Variants in ACADSB observed in about 807,000 individuals in gnomAD.
ACADSB encodes short/branched chain specific acyl-CoA dehydrogenase, mitochondrial.
Under a neutral mutation model 54.1 loss-of-function variants are expected in ACADSB, and 40 were observed. The observed-to-expected ratio is 0.74, with a 90% CI of 0.57 to 0.96. The LOEUF (loss-of-function observed/expected upper bound fraction) is 0.96. ACADSB is among the 40% of genes least tolerant of loss of function. The pLI, the probability that ACADSB is intolerant of heterozygous loss-of-function variation, is 0.00. For synonymous variants in ACADSB, 182 were observed against 182.8 expected (o/e 1.00, Z 0.03); for missense variants, 530 against 510.4 (o/e 1.04, Z -0.37).
At chr10:123,050,315 T>C (rs890929070) in intron 8 of ACADSB, among the ~76,000 whole-genome samples, 5 of 152,252 alleles carry the variant, frequency 3.3e-5, no homozygotes, top group African/African-American at 1.2e-4. Flanking sequence ...GAACTCTGGC[T>C]GTAATGTTCA....
intron 1 of ACADSB, among the ~76,000 whole-genome samples, chr10:123,013,614 CA>C (rs1345473597): frequency 2.6e-5 from 4 of 152,246 alleles, no homozygotes; most frequent in Admixed American, 6.5e-5. Context: ...CGGGGAGACT[CA>C]GGCATGGTGG....
intron 1 of ACADSB, chr10:123,027,425 G>A (rs1369736925): frequency 1.0e-5 from 4 of 395,864 alleles, no homozygotes; most frequent in African/African-American, 8.3e-5. Context: ...TAATTGTGAG[G>A]GCCAGTATTT....
At chr10:123,036,275 T>C (rs1440915586) in intron 2 of ACADSB, among the ~76,000 whole-genome samples, 1 of 152,154 alleles carries the variant, frequency 6.6e-6, no homozygotes, top group Non-Finnish European at 1.5e-5. Flanking sequence ...TTAGTAGACA[T>C]AGGGTTTCAC....
chr10:123,009,788 T>A (rs896141666), intron 1 of ACADSB, among the ~76,000 whole-genome samples: 1 of 152,270 alleles, frequency 6.6e-6, no homozygotes, highest in African/African-American at 2.4e-5. Context: ...TAACAGCCCC[T>A]GTGTTAACAT....
chr10:123,058,082 G>T lies in ACADSB; in HGVS notation c.*4317G>T, dbSNP rs1210377754. On this transcript the variant is annotated 3_prime_UTR_variant, in exon 11 of 11. Coordinates refer to ENST00000358776, the MANE Select transcript of ACADSB (RefSeq NM_001609.4). ...CTGTAACCAGCATGTCAAATGTGAAGATTATTGTGTGGGATCCTTTGGTTT... is the reference window on the plus strand; with the variant it reads ...CTGTAACCAGCATGTCAAATGTGAATATTATTGTGTGGGATCCTTTGGTTT... 2 of 152,190 alleles carry T rather than the reference G, an allele frequency of 1.3e-5. No individual in the cohort carries two copies. The highest frequency in any genetic ancestry group is 4.8e-5 in the African/African-American group (2 of 41,448). The allele number at this position is 152,190 out of a possible 1,614,324, so 9.4% of individuals were successfully genotyped here. A position where few individuals can be genotyped will look rare whatever the true frequency, so the allele number is the denominator to read the frequency against.
rs1340525667 is a variant in ACADSB at position 123,053,078 on chromosome 10, G to C, written c.1146G>C (p.Thr382=). 1.2e-6 allele frequency: 2 copies of C among 1,613,934 alleles called. No individual in the cohort carries two copies. Among genetic ancestry groups the C allele is most frequent in the South Asian group, 1.1e-5 (1 of 91,082 alleles). Residue 382 remains threonine, a synonymous_variant, in exon 10 of 11, where the codon ACG becomes ACC. Transcript: ENST00000358776. ...TTTGGTAGATTGCAGGACAAACAAC[G>C]AGTAAATGTATCGAGTGGATGGGGG... The part of the protein sequence containing the change: ...YYASEIAGQT[T]SKCIEWMGGV...
intron 1 of ACADSB, among the ~76,000 whole-genome samples, chr10:123,014,241 G>A (rs948275451): frequency 6.6e-6 from 1 of 152,128 alleles, no homozygotes; most frequent in African/African-American, 2.4e-5. Flanking sequence ...TGAGAACTTG[G>A]AACAGCTGAC....
Position 123,047,221 on chromosome 10 carries a change from G to A in ACADSB, c.913G>A (p.Ala305Thr). 6.2e-7 allele frequency: 1 copy of A among 1,607,736 alleles called. No homozygotes were observed. The highest frequency in any genetic ancestry group is 8.5e-7 in the Non-Finnish European group (1 of 1,174,174). ...TTTGTTTTAACAGATGCTGGGACTG[G>A]CGCAAGGATGTTTTGACTACACTAT... is the stretch of plus-strand genomic sequence containing the variant. Reference protein sequence around the residue: ...IGIAAQMLGLAQGCFDYTIPY... With the variant: ...IGIAAQMLGLTQGCFDYTIPY... Residue 305 changes from alanine to threonine, a missense_variant, in exon 8 of 11, where the codon GCG (alanine) becomes ACG (threonine). Transcript: ENST00000358776.
At chr10:123,043,253 T>G (rs1850500050) in intron 6 of ACADSB, 82 bp downstream of exon 6, 1 of 1,559,026 alleles carries the variant, frequency 6.4e-7, no homozygotes, top group African/African-American at 1.4e-5. Context: ...AAGACAGGTG[T>G]CAAAATACTA....
At chr10:123,033,356 G>A (rs539104210) in intron 1 of ACADSB, among the ~76,000 whole-genome samples, 62 of 152,272 alleles carry the variant, frequency 4.1e-4, no homozygotes, top group South Asian at 1.7e-3. Flanking sequence ...GGTTTCAAAC[G>A]TAGTGACTCG....
chr10:123,049,724 T>C, intron 8 of ACADSB, among the ~76,000 whole-genome samples: 1 of 152,182 alleles, frequency 6.6e-6, no homozygotes, highest in East Asian at 1.9e-4. Context: ...GAGAAAATAA[T>C]GAAACTGTAT....
At chr10:123,051,229 C>CAT in intron 9 of ACADSB, 43 bp downstream of exon 9, 1 of 1,202,052 alleles carries the variant, frequency 8.3e-7, no homozygotes, top group Non-Finnish European at 1.0e-6. Context: ...AGTAATTCAG[C>CAT]CTTTTTTTTT....
intron 2 of ACADSB, among the ~76,000 whole-genome samples, chr10:123,035,493 G>A (rs1294687533): frequency 1.3e-5 from 2 of 152,140 alleles, no homozygotes; most frequent in South Asian, 2.1e-4. Flanking sequence ...AAGTGTATTC[G>A]TTTTCTATTG....
intron 7 of ACADSB, among the ~76,000 whole-genome samples, chr10:123,045,377 T>C (rs1850548505): frequency 1.3e-5 from 2 of 151,016 alleles, no homozygotes; most frequent in Non-Finnish European, 1.5e-5. Flanking sequence ...AGATGAGGTT[T>C]CACCATGTTA....
In ACADSB at chr10:123,009,072, G is replaced by A. The variant is rs1849955013; in HGVS notation, c.42+1G>A. 6.5e-7 allele frequency: 1 copy of A among 1,546,320 alleles called. No homozygotes were observed. Among genetic ancestry groups the A allele is most frequent in the Non-Finnish European group, 8.7e-7 (1 of 1,146,702 alleles). On this transcript the variant is annotated splice_donor_variant, in intron 1 of 10. Transcript: ENST00000358776. LOFTEE classifies it high-confidence loss of function. ...GCGGTTGCTGCGCGGCAGCAGGCTG[G>A]TGAGTGCGTTCGAGGCTGGCGTCCT...
intron 1 of ACADSB, among the ~76,000 whole-genome samples, chr10:123,011,128 C>T (rs1381636770): frequency 1.3e-5 from 2 of 152,130 alleles, no homozygotes. Flanking sequence ...GCTGTGGACA[C>T]AAGTGGCATG....
chr10:123,011,009 AG>A (rs1247327335), intron 1 of ACADSB, among the ~76,000 whole-genome samples: 1 of 152,146 alleles, frequency 6.6e-6, no homozygotes, highest in Non-Finnish European at 1.5e-5. Context: ...CTGCAACAAA[AG>A]GGGACTGAGG....
At chr10:123,030,526 C>CAA (rs66574740) in intron 1 of ACADSB, among the ~76,000 whole-genome samples, 2,364 of 95,726 alleles carry the variant, frequency 0.025, 55 homozygotes, top group East Asian at 0.16. Flanking sequence ...GACTCTGTCT[C>CAA]AAAAAAAAAA....
In ACADSB at chr10:123,043,149, C is replaced by G; in HGVS notation, c.785C>G (p.Pro262Arg). The change falls in exon 6 of 11, where the codon CCG (proline) becomes CGG (arginine). Residue 262 changes from proline to arginine, a missense_variant. Pro to Arg is a moderately radical substitution (Grantham distance 103). Transcript: ENST00000358776. ...GGGCTCAGAGCTTCTTCCACCTGCC[C>G]GTTAACATTCGAAAATGTCAAGGTG... Reference protein sequence around the residue: ...KLGLRASSTCPLTFENVKVPE... With the variant: ...KLGLRASSTCRLTFENVKVPE... 2 of 1,613,786 alleles carry G rather than the reference C, an allele frequency of 1.2e-6. No individual in the cohort carries two copies. Among genetic ancestry groups the G allele is most frequent in the Non-Finnish European group, 1.7e-6 (2 of 1,179,822 alleles).
Sources: gnomAD v4.1 joint callset for allele counts (sites outside exome capture counted in the v4.1 genomes callset) on GRCh38, gnomAD v4.1.1 for gene constraint, MANE v1.5 for transcripts, NCBI Gene and HGNC (gene_info 2026-07-23, HGNC 2026-07-21) for gene names.